ADD2: variants seen among roughly 807,000 people sequenced by gnomAD.
ADD2 encodes the protein adducin 2.
A neutral mutation model predicts 83.0 loss-of-function variants in ADD2; 23 were observed. That is an observed-to-expected ratio of 0.28 (90% CI 0.20 to 0.39). ADD2 has a LOEUF of 0.39. Among genes scored for constraint, ADD2 ranks in the 10% least tolerant of loss-of-function variants. The pLI is 1.00. For synonymous variants in ADD2, 375 were observed against 375.4 expected, an observed-to-expected ratio of 1.00 and a Z score of 0.01; for missense variants, 758 against 944.9, an observed-to-expected ratio of 0.80 and a Z score of 2.59.
At chr2:70,684,163 G>T (rs966289027) in intron 9 of ADD2, among the ~76,000 whole-genome samples, 7 of 152,172 alleles carry the variant, frequency 4.6e-5, no homozygotes, top group African/African-American at 1.7e-4. Flanking sequence ...GAAGCCAGAG[G>T]TTATGAATAT....
chr2:70,668,767 T>G (rs740387), intron 15 of ADD2, among the ~76,000 whole-genome samples: 22,962 of 152,122 alleles, frequency 0.15, 1,984 homozygotes, highest in African/African-American at 0.23. Flanking sequence ...TTCCTTCTCT[T>G]GCCTGCTGAC....
chr2:70,698,196 A>G (rs1671405135), intron 4 of ADD2, among the ~76,000 whole-genome samples: 1 of 152,052 alleles, frequency 6.6e-6, no homozygotes, highest in South Asian at 2.1e-4. Context: ...CAGTTCTTTG[A>G]ATACTTCTCC....
At chr2:70,688,789 A>T (rs182086790) in intron 8 of ADD2, among the ~76,000 whole-genome samples, 75 of 152,288 alleles carry the variant, frequency 4.9e-4, no homozygotes, top group Non-Finnish European at 9.4e-4. Flanking sequence ...ATAGAAAAGA[A>T]AATAAAAGCC....
intron 1 of ADD2, among the ~76,000 whole-genome samples, chr2:70,747,452 T>C (rs891625100): frequency 2.0e-5 from 3 of 151,690 alleles, no homozygotes; most frequent in Middle Eastern, 3.2e-3. Context: ...TCTCCCATCA[T>C]GCCATGTGCT....
intron 1 of ADD2, among the ~76,000 whole-genome samples, chr2:70,734,376 C>A (rs1432438885): frequency 1.3e-5 from 2 of 151,866 alleles, no homozygotes; most frequent in Non-Finnish European, 2.9e-5. Flanking sequence ...AAAGCACACA[C>A]ACATGTTGCT....
intron 2 of ADD2, among the ~76,000 whole-genome samples, chr2:70,708,624 C>G (rs920242184): frequency 2.0e-5 from 3 of 152,184 alleles, no homozygotes; most frequent in Non-Finnish European, 4.4e-5. Context: ...GCTGTCTAGG[C>G]CCCTCCCCTC....
chr2:70,693,330 A>G (rs1671144811), intron 6 of ADD2, among the ~76,000 whole-genome samples: 1 of 152,152 alleles, frequency 6.6e-6, no homozygotes, highest in South Asian at 2.1e-4. Flanking sequence ...AACTTCACTG[A>G]CTGCAGTTGT....
intron 8 of ADD2, 66 bp downstream of exon 8, chr2:70,690,720 C>A: frequency 1.3e-6 from 2 of 1,535,078 alleles, no homozygotes; most frequent in Admixed American, 2.0e-5. Context: ...GAACATATGT[C>A]ACTTTTGTGA....
At chr2:70,740,002 A>G (rs1553380790) in intron 1 of ADD2, among the ~76,000 whole-genome samples, 2 of 152,200 alleles carry the variant, frequency 1.3e-5, no homozygotes, top group African/African-American at 2.4e-5. Flanking sequence ...AAACCTGCAC[A>G]TGTACCCCTG....
chr2:70,728,305 G>A (rs370811440), intron 1 of ADD2, among the ~76,000 whole-genome samples: 8 of 152,198 alleles, frequency 5.3e-5, no homozygotes, highest in Non-Finnish European at 1.0e-4. Context: ...GATCTGGGCC[G>A]GGCTCCAGTG....
chr2:70,710,326 G>A (rs1000513059), intron 2 of ADD2, among the ~76,000 whole-genome samples: 1 of 152,242 alleles, frequency 6.6e-6, no homozygotes, highest in Non-Finnish European at 1.5e-5. Context: ...CCCATGGAGT[G>A]GTTGCATTCC....
At chr2:70,751,311 G>A (rs11893347) in intron 1 of ADD2, among the ~76,000 whole-genome samples, 1 of 152,114 alleles carries the variant, frequency 6.6e-6, no homozygotes, top group East Asian at 1.9e-4. Context: ...GGAGCAGCAG[G>A]CCCTTACTAA....
rs1675466147 is a variant in ADD2, at chr2:70,659,378, C to T, written c.*4047G>A. 6.6e-6 allele frequency: 1 copy of T among 152,144 alleles called. No individual in the cohort carries two copies. Among genetic ancestry groups the T allele is most frequent in the African/African-American group, 2.4e-5 (1 of 41,430 alleles). The allele number at this position is 152,144 out of a possible 1,614,324, so 9.4% of individuals were successfully genotyped here. On this transcript the variant is annotated 3_prime_UTR_variant, in exon 16 of 16. Transcript: ENST00000264436. ...CACACTAGCAGTAGCCCTGCTACAA[C>T]AATGCCAAACATCTGAATGACTGTC...
In ADD2 at chr2:70,706,424, G is replaced by T; in HGVS notation, c.-16C>A. On this transcript the variant is annotated 5_prime_UTR_variant, in exon 3 of 16. Transcript: ENST00000264436. This position sits in a 1 kb window ranked among gnomAD's most constrained non-coding sequence, Gnocchi z 5.0. ...CTTCGCTCATTTTCCCGGTGGGTTT[G>T]CAATTCGCTCCTGGAACTCTACAGA... The T allele has an allele frequency of 6.3e-7, 1 of 1,596,566 alleles. No homozygotes were observed. Among genetic ancestry groups the T allele is most frequent in the South Asian group, 1.1e-5 (1 of 90,092 alleles).
chr2:70,735,858 CTTTTT>C (rs374727628), intron 1 of ADD2, among the ~76,000 whole-genome samples: 140 of 72,514 alleles, frequency 1.9e-3, no homozygotes, highest in African/African-American at 9.1e-3. Context: ...CCATGCCCGG[CTTTTT>C]TTTTTTTTTT....
chr2:70,739,427 G>A (rs1553380702), intron 1 of ADD2, among the ~76,000 whole-genome samples: 1 of 152,250 alleles, frequency 6.6e-6, no homozygotes, highest in African/African-American at 2.4e-5. Context: ...CTTATACAGT[G>A]TTGGTGGAAG....
intron 14 of ADD2, chr2:70,673,405 ACT>A: frequency 8.3e-7 from 1 of 1,201,218 alleles, no homozygotes; most frequent in South Asian, 1.3e-5. Context: ...ACAACCACCA[ACT>A]CCCCTTATTT....
chr2:70,751,297 G>A (rs1674496379), intron 1 of ADD2, among the ~76,000 whole-genome samples: 1 of 152,170 alleles, frequency 6.6e-6, no homozygotes, highest in African/African-American at 2.4e-5. Flanking sequence ...GTTGGGATGA[G>A]GTCGGAGCAG....
chr2:70,685,150 G>C (rs527759230), intron 9 of ADD2, among the ~76,000 whole-genome samples: 106 of 152,170 alleles, frequency 7.0e-4, no homozygotes, highest in African/African-American at 2.5e-3. Flanking sequence ...GCTTGTTATG[G>C]GAAACTGCTT....
Sources: gnomAD v4.1 joint callset for allele counts (sites outside exome capture counted in the v4.1 genomes callset) on GRCh38, gnomAD v4.1.1 for gene constraint, Gnocchi (gnomAD v3.1) non-coding constraint, MANE v1.5 for transcripts, NCBI Gene and HGNC (gene_info 2026-07-23, HGNC 2026-07-21) for gene names.